Variants in LRP12 observed in about 807,000 individuals in gnomAD.
LRP12 encodes low-density lipoprotein receptor-related protein 12.
A neutral mutation model predicts 66.0 loss-of-function variants in LRP12; 14 were observed. The ratio of observed to expected loss-of-function variants is 0.21; its 90% CI spans 0.14 to 0.33. The LOEUF (loss-of-function observed/expected upper bound fraction) is 0.33. LRP12 is among the 10% of genes least tolerant of loss of function. LRP12 has a pLI of 1.00. For missense variants in LRP12, 889 were observed against 1,053.4 expected, an observed-to-expected ratio of 0.84 and a Z score of 2.16; for synonymous variants, 357 against 359.1, an observed-to-expected ratio of 0.99 and a Z score of 0.07.
At chr8:104,500,548 C>A (rs911305885) in intron 3 of LRP12, among the ~76,000 whole-genome samples, 5 of 151,916 alleles carry the variant, frequency 3.3e-5, no homozygotes, top group African/African-American at 1.2e-4. Flanking sequence ...ACTAAGAATA[C>A]AAAAATTAGC....
chr8:104,492,451 T>G (rs1249870412), intron 6 of LRP12, among the ~76,000 whole-genome samples: 5 of 152,186 alleles, frequency 3.3e-5, no homozygotes. Flanking sequence ...TGAAACAGCT[T>G]TCACCAACCT....
chr8:104,575,224 C>G (rs1478183852), intron 1 of LRP12, among the ~76,000 whole-genome samples: 1 of 152,144 alleles, frequency 6.6e-6, no homozygotes, highest in Non-Finnish European at 1.5e-5. Context: ...CAGTGCCCTG[C>G]CCCCAAGCCA....
intron 1 of LRP12, among the ~76,000 whole-genome samples, chr8:104,548,527 T>C (rs1208057020): frequency 1.1e-4 from 14 of 123,974 alleles, no homozygotes; most frequent in African/African-American, 2.8e-4. Context: ...TTGTATCTAA[T>C]ATATAATTCT....
At chr8:104,499,807 G>A (rs1810796202) in intron 3 of LRP12, among the ~76,000 whole-genome samples, 2 of 151,218 alleles carry the variant, frequency 1.3e-5, no homozygotes. Flanking sequence ...TCTTCTCTGT[G>A]TGTACGGTTG....
chr8:104,501,721 G>A (rs1006739400), intron 3 of LRP12, among the ~76,000 whole-genome samples: 4 of 150,982 alleles, frequency 2.6e-5, no homozygotes, highest in Admixed American at 6.6e-5. Flanking sequence ...AAAAAAAAAT[G>A]GATTCAAGTC....
At chr8:104,549,551 T>C (rs896876323) in intron 1 of LRP12, among the ~76,000 whole-genome samples, 6 of 151,814 alleles carry the variant, frequency 4.0e-5, no homozygotes, top group Non-Finnish European at 7.4e-5. Context: ...TACAGGCGCC[T>C]GCCACCGCAC....
At position 104,559,422 on chromosome 8, in the gene LRP12, A is replaced by C. The variant is rs181399237; in HGVS notation, c.80-27459T>G. On this transcript the variant is annotated intron_variant, in intron 1 of 6. Transcript: ENST00000276654. ...CTAAGCTATGAGGGCTCAAAGGCAT[A>C]AGAATGATACAATGGACTTTGGGGA... 3.5e-4 allele frequency among the ~76,000 whole-genome samples: 53 copies of C among 151,904 alleles called. 1 individual carries two copies. The highest frequency in any genetic ancestry group is 1.2e-3 in the African/African-American group (50 of 41,186).
chr8:104,537,343 T>G (rs538712314), intron 1 of LRP12, among the ~76,000 whole-genome samples: 2 of 152,154 alleles, frequency 1.3e-5, no homozygotes, highest in African/African-American at 4.8e-5. Flanking sequence ...CCTCCAAAAT[T>G]TGCATCACGG....
chr8:104,524,671 G>C (rs1317947800), intron 2 of LRP12, among the ~76,000 whole-genome samples: 2 of 152,056 alleles, frequency 1.3e-5, no homozygotes, highest in East Asian at 3.8e-4. Context: ...GTACACAAAA[G>C]GACAAATAAA....
At position 104,589,188 on chromosome 8, in the gene LRP12, C is replaced by G. The variant is rs894515195; in HGVS notation, c.-291G>C. Among the ~76,000 whole-genome samples the G allele has an allele frequency of 2.7e-4, 41 of 151,488 alleles. No individual in the cohort carries two copies. Among genetic ancestry groups the G allele is most frequent in the South Asian group, 2.1e-4 (1 of 4,824 alleles). On this transcript the variant is annotated 5_prime_UTR_variant, in exon 1 of 7. Coordinates refer to ENST00000276654, the MANE Select transcript of LRP12 (RefSeq NM_013437.5). The stretch of plus-strand genomic sequence containing the variant: ...AAGGAGCTCGCGCGCCAGCGCGAGA[C>G]GAGAGGGTGGCGGACGCCGGACTCC...
At chr8:104,569,145 G>T (rs867878867) in intron 1 of LRP12, among the ~76,000 whole-genome samples, 1 of 152,144 alleles carries the variant, frequency 6.6e-6, no homozygotes, top group Non-Finnish European at 1.5e-5. Flanking sequence ...AAAACATTAT[G>T]CTAGATGAAA....
intron 2 of LRP12, among the ~76,000 whole-genome samples, chr8:104,524,030 G>A (rs545465043): frequency 6.6e-6 from 1 of 151,994 alleles, no homozygotes. Flanking sequence ...CAGATCACTT[G>A]CACTCACAAG....
Position 104,497,552 on chromosome 8 carries a change from C to G in LRP12, c.1000G>C (p.Ala334Pro), listed in dbSNP as rs773241549. The G allele has an allele frequency of 6.2e-7, 1 of 1,613,612 alleles. No homozygotes were observed. Among genetic ancestry groups the G allele is most frequent in the Non-Finnish European group, 8.5e-7 (1 of 1,179,886 alleles). The part of the protein sequence containing the change: ...NPHKLLRVLT[A>P]FDSHAPLTVV... ...GTAAGAGGTGCATGAGAATCAAAAG[C>G]TGTCAACACACGCAAAAGCTTGTGT... Residue 334 changes from alanine to proline, a missense_variant, in exon 5 of 7, where the codon GCT (alanine) becomes CCT (proline). Around this residue, in one of 3 missense-constraint regions of LRP12, gnomAD observed 800 missense variants for 964.5 expected, o/e 0.83. Coordinates refer to ENST00000276654, the MANE Select transcript of LRP12 (RefSeq NM_013437.5). This position sits in a 1 kb window ranked among gnomAD's most constrained non-coding sequence, Gnocchi z 4.3.
intron 3 of LRP12, among the ~76,000 whole-genome samples, chr8:104,503,648 T>G (rs1452354888): frequency 6.6e-6 from 1 of 152,256 alleles, no homozygotes; most frequent in East Asian, 1.9e-4. Context: ...TAGAAATTGA[T>G]CTTATGTTGA....
rs953175457 is a variant in LRP12 at position 104,524,316 on chromosome 8, T to C, written c.136+7591A>G. Among the ~76,000 whole-genome samples, 21 of 152,112 alleles carry C rather than the reference T, an allele frequency of 1.4e-4. 1 individual carries two copies. The highest frequency in any genetic ancestry group is 1.0e-3 in the Admixed American group (16 of 15,258). On this transcript the variant is annotated intron_variant, in intron 2 of 6. Transcript: ENST00000276654. Reference sequence around the variant, plus strand: ...CATATATTTAATTGAATGTTTATGTTGTTGTTAAGATTTCCAGTCAACAGC... The same window carrying C: ...CATATATTTAATTGAATGTTTATGTCGTTGTTAAGATTTCCAGTCAACAGC...
At position 104,508,532 on chromosome 8, in the gene LRP12, T is replaced by C. The variant is rs1006853192; in HGVS notation, c.272+407A>G. ...CACATATACAGACAGGCATGACAAA[T>C]TGTGTTTTAACTCATTTAGGTAGAA... On this transcript the variant is annotated intron_variant, in intron 3 of 6. Transcript: ENST00000276654. 6 of 157,930 alleles carry C rather than the reference T, an allele frequency of 3.8e-5. No individual in the cohort carries two copies. The South Asian group carries it at 9.5e-4, about 25-fold the overall frequency. 9.8% of individuals were successfully genotyped at this position (157,930 alleles called of 1,614,324 possible).
At chr8:104,547,054 A>G (rs963649689) in intron 1 of LRP12, among the ~76,000 whole-genome samples, 3 of 143,754 alleles carry the variant, frequency 2.1e-5, no homozygotes, top group African/African-American at 5.2e-5. Context: ...ATTCTATATT[A>G]TATCATACTT....
chr8:104,502,926 C>T (rs183550026), intron 3 of LRP12, among the ~76,000 whole-genome samples: 64 of 152,146 alleles, frequency 4.2e-4, no homozygotes, highest in East Asian at 7.8e-4. Context: ...TGGCTCACGC[C>T]GTAATCCCAG....
chr8:104,535,471 A>G (rs751555741), intron 1 of LRP12, among the ~76,000 whole-genome samples: 15 of 151,986 alleles, frequency 9.9e-5, no homozygotes, highest in Non-Finnish European at 2.1e-4. Context: ...TAGTCTGTGC[A>G]TCCCTGTTGC....
Sources: gnomAD v4.1 joint callset for allele counts (sites outside exome capture counted in the v4.1 genomes callset) on GRCh38, gnomAD v4.1.1 for gene constraint, gnomAD v4.1.1 regional missense constraint, Gnocchi (gnomAD v3.1) non-coding constraint, MANE v1.5 for transcripts, NCBI Gene and HGNC (gene_info 2026-07-23, HGNC 2026-07-21) for gene names.